The following DCP1A variants were observed in gnomAD, a reference collection of about 807,000 sequenced individuals.
DCP1A encodes decapping mRNA 1A.
Under a neutral mutation model 58.0 loss-of-function variants are expected in DCP1A, and 20 were observed. The ratio of observed to expected loss-of-function variants is 0.34; its 90% CI spans 0.24 to 0.50. The LOEUF is 0.50. Ranked by LOEUF, DCP1A falls within the 20% of genes least tolerant of loss-of-function variation. The probability of loss-of-function intolerance (pLI) is 0.98; values close to 1 mark genes in which losing one functional copy is unlikely to be tolerated. For missense variants in DCP1A, 613 were observed against 712.2 expected, an observed-to-expected ratio of 0.86 and a Z score of 1.59; for synonymous variants, 285 against 275.1, an observed-to-expected ratio of 1.04 and a Z score of -0.36.
chr3:53,305,495 G>A (rs553417136), intron 5 of DCP1A, among the ~76,000 whole-genome samples: 9 of 151,924 alleles, frequency 5.9e-5, no homozygotes, highest in East Asian at 1.9e-4. Context: ...GATTACAGGC[G>A]CGCGCCACCA....
At chr3:53,332,579 T>C (rs1287558847) in intron 3 of DCP1A, among the ~76,000 whole-genome samples, 2 of 152,184 alleles carry the variant, frequency 1.3e-5, no homozygotes, top group African/African-American at 4.8e-5. Context: ...TATTGAAATT[T>C]CTAGGCCGGG....
At chr3:53,304,341 T>G (rs1553687760) in intron 5 of DCP1A, 51 bp from the exon 6 acceptor site, 2 of 1,382,914 alleles carry the variant, frequency 1.4e-6, no homozygotes, top group South Asian at 2.4e-5. Context: ...AATTTGCTAT[T>G]ATTTGGCTCA....
chr3:53,342,433 ACTC>A (rs1351848802), intron 2 of DCP1A, among the ~76,000 whole-genome samples, 162 bp from the exon 3 acceptor site: 2 of 152,192 alleles, frequency 1.3e-5, no homozygotes, highest in Non-Finnish European at 2.9e-5. Flanking sequence ...GTCAGATCAT[ACTC>A]CTCCTCTGAC....
intron 3 of DCP1A, among the ~76,000 whole-genome samples, chr3:53,327,717 G>A (rs1417594649): frequency 2.0e-5 from 3 of 151,930 alleles, no homozygotes; most frequent in African/African-American, 7.3e-5. Context: ...CTTGAGCCTG[G>A]GAGGCAGAGG....
At chr3:53,343,587 G>T (rs149318357) in intron 2 of DCP1A, among the ~76,000 whole-genome samples, 20 of 152,126 alleles carry the variant, frequency 1.3e-4, no homozygotes, top group Non-Finnish European at 2.4e-4. Context: ...AATGAAGGGA[G>T]TGAGGGTAAA....
In DCP1A at chr3:53,342,288, GA is replaced by G. The variant is rs782244556; in HGVS notation, c.177-18del. 2.0e-4 allele frequency: 300 copies of G among 1,519,200 alleles called. No individual in the cohort carries two copies. The highest frequency in any genetic ancestry group is 6.5e-4 in the African/African-American group (46 of 71,052). The allele number at this position is 1,519,200 out of a possible 1,614,324, so 94.1% of individuals were successfully genotyped here. On this transcript the variant is annotated intron_variant, in intron 2 of 9. Transcript: ENST00000610213. Reference sequence around the variant, plus strand: ...GAAGCTGACCTTAGATTTAATAGAAGAAAAAAAAATATGTAGTTACCATTTA... The same window carrying G: ...GAAGCTGACCTTAGATTTAATAGAAGAAAAAAAATATGTAGTTACCATTTA...
intron 3 of DCP1A, chr3:53,329,361 T>C (rs1708197540): frequency 2.5e-6 from 1 of 398,558 alleles, no homozygotes; most frequent in African/African-American, 2.1e-5. Context: ...AAAAGCACTA[T>C]GTATCAAGAG....
chr3:53,285,461 T>C lies in DCP1A; in HGVS notation c.*2119A>G, dbSNP rs995678183. On this transcript the variant is annotated 3_prime_UTR_variant, in exon 10 of 10. Transcript: ENST00000610213. ...GCTTCTGAATTTTAAGTAAATACTTTGAATATATAAATTTGGGAGGTGAAA... is the reference window on the plus strand; with the variant it reads ...GCTTCTGAATTTTAAGTAAATACTTCGAATATATAAATTTGGGAGGTGAAA... The C allele has an allele frequency of 1.3e-5, 2 of 152,150 alleles. No homozygotes were observed. Among genetic ancestry groups the C allele is most frequent in the East Asian group, 3.9e-4 (2 of 5,194 alleles). The allele number at this position is 152,150 out of a possible 1,614,324, so 9.4% of individuals were successfully genotyped here. A position where few individuals can be genotyped will look rare whatever the true frequency, so the allele number is the denominator to read the frequency against.
Sources: allele counts gnomAD v4.1 joint callset (sites outside exome capture counted in the v4.1 genomes callset), GRCh38; gene constraint gnomAD v4.1.1; transcripts MANE v1.5; gene names NCBI Gene and HGNC (gene_info 2026-07-23, HGNC 2026-07-21).